The following FER variants were observed in gnomAD, a reference collection of about 807,000 sequenced individuals.
FER encodes FER tyrosine kinase.
In FER, 63 loss-of-function variants were observed where a neutral mutation model predicts 111.0. The observed-to-expected ratio is 0.57, with a 90% CI of 0.46 to 0.70. The LOEUF (loss-of-function observed/expected upper bound fraction) is 0.70, where lower values mean the gene tolerates loss of function less well. Ranked by LOEUF, FER falls within the 30% of genes least tolerant of loss-of-function variation. FER has a pLI of 0.00. For missense variants in FER, 914 were observed against 954.0 expected (o/e 0.96, Z 0.55); for synonymous variants, 327 against 313.9 (o/e 1.04, Z -0.44).
intron 17 of FER, among the ~76,000 whole-genome samples, chr5:109,121,644 T>G (rs982298605): frequency 5.3e-5 from 8 of 152,120 alleles, no homozygotes; most frequent in Non-Finnish European, 1.2e-4. Flanking sequence ...CCTGTATTTT[T>G]GGGGGGCAGG....
At chr5:108,799,671 A>G (rs1204911327) in intron 3 of FER, among the ~76,000 whole-genome samples, 5 of 152,270 alleles carry the variant, frequency 3.3e-5, no homozygotes, top group South Asian at 2.1e-4. Flanking sequence ...TTATTTGGCA[A>G]TTTCATCTGT....
intron 13 of FER, among the ~76,000 whole-genome samples, chr5:109,017,249 C>T (rs1335507629): frequency 6.6e-6 from 1 of 151,784 alleles, no homozygotes; most frequent in Non-Finnish European, 1.5e-5. Context: ...AAAAATATCC[C>T]TAGATTTATT....
At chr5:108,954,000 A>T (rs890118193) in intron 11 of FER, among the ~76,000 whole-genome samples, 1 of 152,090 alleles carries the variant, frequency 6.6e-6, no homozygotes, top group African/African-American at 2.4e-5. Flanking sequence ...ATTATCTCTG[A>T]CTTGGTGTTA....
At chr5:108,971,980 T>C (rs1246990858) in intron 13 of FER, among the ~76,000 whole-genome samples, 3 of 152,090 alleles carry the variant, frequency 2.0e-5, no homozygotes, top group South Asian at 2.1e-4. Context: ...CTTTGCACTT[T>C]TGAAAATATG....
chr5:109,108,162 A>G (rs1749173388), intron 17 of FER, among the ~76,000 whole-genome samples: 1 of 152,098 alleles, frequency 6.6e-6, no homozygotes, highest in African/African-American at 2.4e-5. Context: ...ATGCTCATTT[A>G]ACCTTATATT....
At chr5:108,907,840 A>AT (rs139115292) in intron 10 of FER, among the ~76,000 whole-genome samples, 10,862 of 151,512 alleles carry the variant, frequency 0.072, 427 homozygotes, top group Middle Eastern at 0.095. Flanking sequence ...GTATCAGTGG[A>AT]TTTTTTTTTC....
At chr5:108,894,663 G>A (rs972601649) in intron 9 of FER, 5 of 245,588 alleles carry the variant, frequency 2.0e-5, no homozygotes, top group Non-Finnish European at 3.3e-5. Flanking sequence ...ACCAGAAAGA[G>A]GACAGGGGAA....
At chr5:108,926,563 T>A (rs1467537178) in intron 10 of FER, among the ~76,000 whole-genome samples, 1 of 152,204 alleles carries the variant, frequency 6.6e-6, no homozygotes, top group Non-Finnish European at 1.5e-5. Flanking sequence ...AATTGAACTC[T>A]CATAATTATG....
At chr5:108,919,227 A>T (rs552435091) in intron 10 of FER, among the ~76,000 whole-genome samples, 4 of 148,466 alleles carry the variant, frequency 2.7e-5, no homozygotes, top group South Asian at 2.1e-4. Context: ...TTTTTTTTTT[A>T]AATCAGAGTT....
chr5:108,775,481 C>T (rs907938430), intron 2 of FER, among the ~76,000 whole-genome samples: 16 of 152,108 alleles, frequency 1.1e-4, no homozygotes, highest in African/African-American at 3.9e-4. Context: ...AATAATTCTG[C>T]TCTCCTTAAA....
chr5:108,838,005 T>A (rs1214011401), intron 5 of FER, among the ~76,000 whole-genome samples: 1 of 152,208 alleles, frequency 6.6e-6, no homozygotes, highest in Non-Finnish European at 1.5e-5. Flanking sequence ...ACTTTTAAAA[T>A]AAGTACTTTT....
intron 11 of FER, among the ~76,000 whole-genome samples, chr5:108,952,661 T>C (rs1293288723): frequency 6.6e-6 from 1 of 152,122 alleles, no homozygotes; most frequent in African/African-American, 2.4e-5. Flanking sequence ...CCTTACTATT[T>C]AGTTTTTTAA....
intron 13 of FER, among the ~76,000 whole-genome samples, chr5:109,030,039 G>A (rs1024409063): frequency 1.3e-5 from 2 of 151,566 alleles, no homozygotes; most frequent in African/African-American, 4.9e-5. Context: ...GTTCAAATTG[G>A]GTAATCTATT....
chr5:109,149,198 A>G (rs978513406), intron 17 of FER, among the ~76,000 whole-genome samples: 2 of 152,204 alleles, frequency 1.3e-5, no homozygotes, highest in African/African-American at 4.8e-5. Context: ...ATGATTTAAA[A>G]GTCTAAATTT....
Position 109,107,018 on chromosome 5 carries a change from A to G in FER, c.2048+6499A>G, listed in dbSNP as rs184028376. On this transcript the variant is annotated intron_variant, in intron 17 of 19. Transcript: ENST00000281092. The stretch of plus-strand genomic sequence containing the variant: ...AGGACTTAAGGGCAGTCCATTGAGC[A>G]CACTGAAAGTCCTTGAGAGTGAGAG... Among the ~76,000 whole-genome samples, 288 of 152,306 alleles carry G rather than the reference A, an allele frequency of 1.9e-3. 1 individual carries two copies. Among genetic ancestry groups the G allele is most frequent in the African/African-American group, 6.5e-3 (269 of 41,570 alleles).
intron 13 of FER, among the ~76,000 whole-genome samples, chr5:109,007,390 C>A (rs1174503716): frequency 6.6e-6 from 1 of 152,156 alleles, no homozygotes; most frequent in African/African-American, 2.4e-5. Flanking sequence ...TAGACAAATT[C>A]ATATAGTTGT....
In FER at chr5:109,193,153, A is replaced by G. The variant is rs897151654; in HGVS notation, c.*5578A>G. 1 of 152,110 alleles carries G rather than the reference A, an allele frequency of 6.6e-6. No homozygotes were observed. The highest frequency in any genetic ancestry group is 1.5e-5 in the Non-Finnish European group (1 of 68,020). 9.4% of individuals were successfully genotyped at this position (152,110 alleles called of 1,614,324 possible). A position where few individuals can be genotyped will look rare whatever the true frequency, so the allele number is the denominator to read the frequency against. ...AGGGCATTGAATTGGACATTGGTTT[A>G]ATTTTTACCTACGCTCCCTATAATC... is the stretch of plus-strand genomic sequence containing the variant. On this transcript the variant is annotated 3_prime_UTR_variant, in exon 20 of 20. Coordinates refer to ENST00000281092, the MANE Select transcript of FER (RefSeq NM_005246.4).
intron 10 of FER, among the ~76,000 whole-genome samples, chr5:108,906,604 C>T (rs1750811451): frequency 2.0e-5 from 3 of 151,796 alleles, no homozygotes; most frequent in Admixed American, 1.3e-4. Flanking sequence ...CTTTCTCATA[C>T]ATTATTAAAG....
chr5:108,893,968 G>GTTT (rs561122699), intron 9 of FER, among the ~76,000 whole-genome samples: 2 of 137,554 alleles, frequency 1.5e-5, no homozygotes, highest in Non-Finnish European at 1.6e-5. Context: ...AAGGAAAGAG[G>GTTT]TTTTTTTTTT....
Sources: gnomAD v4.1 joint callset for allele counts (sites outside exome capture counted in the v4.1 genomes callset) on GRCh38, gnomAD v4.1.1 for gene constraint, MANE v1.5 for transcripts, NCBI Gene and HGNC (gene_info 2026-07-23, HGNC 2026-07-21) for gene names.